SDC2: variants seen among roughly 807,000 people sequenced by gnomAD.
SDC2 encodes syndecan 2.
A neutral mutation model predicts 22.2 loss-of-function variants in SDC2; 13 were observed. The observed-to-expected ratio is 0.59, with a 90% CI of 0.38 to 0.93. SDC2 has a LOEUF of 0.93. Ranked by LOEUF, SDC2 falls within the 40% of genes least tolerant of loss-of-function variation. The pLI is 0.00. For missense variants in SDC2, 235 were observed against 246.8 expected (o/e 0.95, Z 0.32); for synonymous variants, 94 against 92.8 (o/e 1.01, Z -0.07).
intron 1 of SDC2, among the ~76,000 whole-genome samples, chr8:96,522,124 GT>G (rs1813506158): frequency 6.6e-6 from 1 of 152,054 alleles, no homozygotes; most frequent in South Asian, 2.1e-4. Flanking sequence ...GAATGTCTTT[GT>G]TTGCATTTAT....
intron 1 of SDC2, among the ~76,000 whole-genome samples, chr8:96,541,008 A>G (rs529609572): frequency 4.1e-4 from 62 of 152,210 alleles, no homozygotes; most frequent in Admixed American, 1.5e-3. Flanking sequence ...AATTCTGTCA[A>G]ATTTAAGGAG....
In SDC2 at chr8:96,559,760, A is replaced by G. The variant is rs1037524257; in HGVS notation, c.61-33720A>G. On this transcript the variant is annotated intron_variant, in intron 1 of 4. Coordinates refer to ENST00000302190, the MANE Select transcript of SDC2 (RefSeq NM_002998.4). ...ATGAAACTCAAGAATTCTTCAGCAGAATTCTAACCAAGTGTGGAATCCATC... is the reference window on the plus strand; with the variant it reads ...ATGAAACTCAAGAATTCTTCAGCAGGATTCTAACCAAGTGTGGAATCCATC... Among the ~76,000 whole-genome samples, 4 of 152,200 alleles carry G rather than the reference A, an allele frequency of 2.6e-5. No homozygotes were observed. The East Asian group carries it at 7.7e-4, about 29-fold the overall frequency.
rs537341464 is a variant in SDC2 at position 96,518,313 on chromosome 8, C to T, written c.60+23982C>T. Among the ~76,000 whole-genome samples the T allele has an allele frequency of 2.0e-5, 3 of 150,936 alleles. No homozygotes were observed. In the South Asian group the frequency reaches 6.3e-4, roughly 32 times the overall value. ...CCCAAGACTTTCCTGTGACACGGTG[C>T]ACTTCTGCCTTGTGGACCTAGTTGG... is the stretch of plus-strand genomic sequence containing the variant. On this transcript the variant is annotated intron_variant, in intron 1 of 4. Transcript: ENST00000302190.
intron 1 of SDC2, among the ~76,000 whole-genome samples, chr8:96,581,120 A>C (rs1814581921): frequency 6.6e-6 from 1 of 152,202 alleles, no homozygotes; most frequent in African/African-American, 2.4e-5. Context: ...GTACTTACAC[A>C]TGTGTGTTCC....
At chr8:96,593,940 G>A (rs1051571797) in intron 2 of SDC2, among the ~76,000 whole-genome samples, 4 of 152,110 alleles carry the variant, frequency 2.6e-5, no homozygotes, top group Admixed American at 2.6e-4. Context: ...ATCGTATTAA[G>A]ACTTTCAGAG....
chr8:96,519,339 T>A (rs1424462221), intron 1 of SDC2, among the ~76,000 whole-genome samples: 1 of 152,202 alleles, frequency 6.6e-6, no homozygotes, highest in East Asian at 1.9e-4. Context: ...TTAGTACAAT[T>A]GATTAGTGAT....
intron 1 of SDC2, among the ~76,000 whole-genome samples, chr8:96,546,879 C>T (rs1813943068): frequency 1.3e-5 from 2 of 152,188 alleles, no homozygotes; most frequent in African/African-American, 4.8e-5. Context: ...ATTAAAAATG[C>T]TTTTGGGAAG....
chr8:96,594,406 T>C (rs1233592901), intron 2 of SDC2, among the ~76,000 whole-genome samples: 2 of 152,142 alleles, frequency 1.3e-5, no homozygotes, highest in African/African-American at 4.8e-5. Context: ...CATTCTCCAG[T>C]AGGCAAGCTA....
chr8:96,529,506 A>T (rs760510958), intron 1 of SDC2, among the ~76,000 whole-genome samples: 14 of 152,202 alleles, frequency 9.2e-5, no homozygotes, highest in Non-Finnish European at 1.5e-4. Flanking sequence ...TGGCTGTCAG[A>T]GTTAAGAATC....
At chr8:96,543,002 G>T (rs1019260048) in intron 1 of SDC2, among the ~76,000 whole-genome samples, 1 of 152,198 alleles carries the variant, frequency 6.6e-6, no homozygotes, top group African/African-American at 2.4e-5. Flanking sequence ...AACTTAGGCA[G>T]GCTGCTGGAG....
At chr8:96,507,831 A>G (rs1813265485) in intron 1 of SDC2, among the ~76,000 whole-genome samples, 1 of 152,174 alleles carries the variant, frequency 6.6e-6, no homozygotes, top group African/African-American at 2.4e-5. Context: ...TCCTTTTGCC[A>G]ATCTTAGATG....
rs4735430 is a variant in SDC2, at chr8:96,509,206, C to T, written c.60+14875C>T. On this transcript the variant is annotated intron_variant, in intron 1 of 4. Transcript: ENST00000302190. ...GTATAAAGGAGATTAGTCATAGTAG[C>T]CACCTCATAGAGGTGTTGTGAGGGC... is the stretch of plus-strand genomic sequence containing the variant. 4.3e-3 allele frequency among the ~76,000 whole-genome samples: 613 copies of T among 141,720 alleles called. 86 individuals carry two copies. The highest frequency in any genetic ancestry group is 0.039 in the Admixed American group (562 of 14,256). The allele number at this position is 141,720 out of a possible 152,430, so 93.0% of individuals were successfully genotyped here. A position where few individuals can be genotyped will look rare whatever the true frequency, so the allele number is the denominator to read the frequency against.
chr8:96,528,837 A>G (rs1813618697), intron 1 of SDC2, among the ~76,000 whole-genome samples: 2 of 152,356 alleles, frequency 1.3e-5, no homozygotes, highest in Admixed American at 1.3e-4. Flanking sequence ...GAAGACCATA[A>G]TGAGGCATCT....
chr8:96,553,775 T>A (rs1411020009), intron 1 of SDC2, among the ~76,000 whole-genome samples: 1 of 151,526 alleles, frequency 6.6e-6, no homozygotes, highest in African/African-American at 2.4e-5. Flanking sequence ...TTTAAAGATT[T>A]TTTTTTTTGT....
At chr8:96,561,999 G>T (rs903187551) in intron 1 of SDC2, among the ~76,000 whole-genome samples, 2 of 151,130 alleles carry the variant, frequency 1.3e-5, no homozygotes, top group African/African-American at 4.9e-5. Flanking sequence ...TAATTATAAT[G>T]CAGTCTAGCT....
At chr8:96,553,784 G>A (rs1352998406) in intron 1 of SDC2, among the ~76,000 whole-genome samples, 1 of 141,396 alleles carries the variant, frequency 7.1e-6, no homozygotes, top group African/African-American at 2.6e-5. Context: ...TTTTTTTTTT[G>A]TTTTGGAGAC....
chr8:96,530,385 G>GGCGTGGTGCAT, intron 1 of SDC2, among the ~76,000 whole-genome samples: 1 of 152,238 alleles, frequency 6.6e-6, no homozygotes, highest in Admixed American at 6.5e-5. Flanking sequence ...TGTAATCCCA[G>GGCGTGGTGCAT]CACTTTGGGA....
chr8:96,504,422 TG>T (rs1418696977), intron 1 of SDC2, among the ~76,000 whole-genome samples: 2 of 152,240 alleles, frequency 1.3e-5, no homozygotes, highest in African/African-American at 4.8e-5. Context: ...TGGTTTTGAA[TG>T]TTTTAGAATC....
chr8:96,591,820 G>A (rs909635458), intron 1 of SDC2, among the ~76,000 whole-genome samples: 2 of 151,986 alleles, frequency 1.3e-5, no homozygotes, highest in Non-Finnish European at 2.9e-5. Context: ...CAACCCAAGC[G>A]GTGTTTACTG....
Sources: gnomAD v4.1 joint callset for allele counts (sites outside exome capture counted in the v4.1 genomes callset) on GRCh38, gnomAD v4.1.1 for gene constraint, MANE v1.5 for transcripts, NCBI Gene and HGNC (gene_info 2026-07-23, HGNC 2026-07-21) for gene names.